The following GRIK2 variants were observed in gnomAD, a reference collection of about 807,000 sequenced individuals.
GRIK2 encodes the protein glutamate ionotropic receptor kainate type subunit 2, also known as glutamate receptor ionotropic, kainate 2.
Under a neutral mutation model 100.3 loss-of-function variants are expected in GRIK2, and 32 were observed. The ratio of observed to expected loss-of-function variants is 0.32; its 90% CI spans 0.24 to 0.43. GRIK2 has a LOEUF of 0.43. Among genes scored for constraint, GRIK2 ranks in the 20% least tolerant of loss-of-function variants. The pLI, the probability that GRIK2 is intolerant of heterozygous loss-of-function variation, is 1.00. For missense variants in GRIK2, 843 were observed against 1,114.9 expected (o/e 0.76, Z 3.47); for synonymous variants, 417 against 389.4 (o/e 1.07, Z -0.83).
chr6:101,525,395 TCTG>T (rs1355815872), intron 2 of GRIK2, among the ~76,000 whole-genome samples: 2 of 152,184 alleles, frequency 1.3e-5, no homozygotes, highest in African/African-American at 2.4e-5. Context: ...GTTTCAGTAT[TCTG>T]ATGATTATGG....
chr6:101,779,633 G>A lies in GRIK2; in HGVS notation c.952-20015G>A, dbSNP rs187545369. 7.0e-4 allele frequency among the ~76,000 whole-genome samples: 107 copies of A among 152,282 alleles called. 1 individual carries two copies. Among genetic ancestry groups the A allele is most frequent in the Admixed American group, 2.0e-3 (30 of 15,302 alleles). ...TTCCAGTTGACAGGCGTCTGAACTA[G>A]CAGTGAAGCAGGTAGGGCTGCATTT... On this transcript the variant is annotated intron_variant, in intron 7 of 16. Coordinates refer to ENST00000369134, the MANE Select transcript of GRIK2 (RefSeq NM_021956.5).
chr6:102,059,221 C>T (rs561945223), intron 16 of GRIK2, among the ~76,000 whole-genome samples: 118 of 151,178 alleles, frequency 7.8e-4, no homozygotes, highest in Non-Finnish European at 1.4e-3. Flanking sequence ...TTTCAGATAA[C>T]CACAAGATGG....
At chr6:101,500,010 A>G (rs1333885593) in intron 2 of GRIK2, among the ~76,000 whole-genome samples, 1 of 152,186 alleles carries the variant, frequency 6.6e-6, no homozygotes, top group African/African-American at 2.4e-5. Flanking sequence ...TAACATTTAT[A>G]TAATGTGTAC....
intron 2 of GRIK2, among the ~76,000 whole-genome samples, chr6:101,413,397 C>T (rs1199913502): frequency 6.6e-6 from 1 of 152,074 alleles, no homozygotes; most frequent in African/African-American, 2.4e-5. Context: ...TTAACTCTTT[C>T]AATTTCATTT....
At chr6:101,544,991 C>T (rs1033893386) in intron 2 of GRIK2, among the ~76,000 whole-genome samples, 6 of 152,090 alleles carry the variant, frequency 3.9e-5, no homozygotes, top group Non-Finnish European at 5.9e-5. Flanking sequence ...TAGGATGGAT[C>T]GCCACATATA....
chr6:101,509,323 G>A (rs1165908272), intron 2 of GRIK2, among the ~76,000 whole-genome samples: 1 of 152,068 alleles, frequency 6.6e-6, no homozygotes, highest in Non-Finnish European at 1.5e-5. Context: ...TAAAGATAAG[G>A]CCTTCAGTGT....
chr6:101,710,147 G>A (rs1773597811), intron 7 of GRIK2, among the ~76,000 whole-genome samples: 1 of 151,878 alleles, frequency 6.6e-6, no homozygotes, highest in Non-Finnish European at 1.5e-5. Context: ...AGTACAAGAA[G>A]AGCCCTCTGA....
At chr6:101,910,171 A>C (rs542775169) in intron 12 of GRIK2, among the ~76,000 whole-genome samples, 1 of 151,334 alleles carries the variant, frequency 6.6e-6, no homozygotes, top group East Asian at 1.9e-4. Context: ...TAAATTAAAA[A>C]TAGAATGTCT....
rs531623433 is a variant in GRIK2 at position 101,789,184 on chromosome 6, T to C, written c.952-10464T>C. Among the ~76,000 whole-genome samples the C allele has an allele frequency of 4.6e-5, 7 of 152,326 alleles. No homozygotes were observed. The East Asian group carries it at 1.4e-3, about 29-fold the overall frequency. ...CTGTTCACTCTGATAGTAGTTTCTT[T>C]TGCTGTGCAGAAGCTGTTTAGTTTA... On this transcript the variant is annotated intron_variant, in intron 7 of 16. Transcript: ENST00000369134.
chr6:101,394,605 CA>C (rs1774931467), intron 1 of GRIK2, among the ~76,000 whole-genome samples: 1 of 152,170 alleles, frequency 6.6e-6, no homozygotes, highest in Non-Finnish European at 1.5e-5. Context: ...AGTATTCTGT[CA>C]TCAGAAATTA....
intron 7 of GRIK2, among the ~76,000 whole-genome samples, chr6:101,775,533 GTATATATA>G (rs1293244802): frequency 7.8e-3 from 20 of 2,576 alleles, no homozygotes; most frequent in Admixed American, 0.067. Context: ...GTATATATAT[GTATATATA>G]TGTGTGTGAG....
intron 16 of GRIK2, chr6:102,064,168 G>GCTGTC: frequency 1.8e-6 from 1 of 570,410 alleles, no homozygotes; most frequent in South Asian, 2.3e-5. Flanking sequence ...CAGTGCGTGG[G>GCTGTC]TTTCCACCCC....
At chr6:101,566,349 ATACT>A (rs1172368007) in intron 2 of GRIK2, among the ~76,000 whole-genome samples, 2 of 152,080 alleles carry the variant, frequency 1.3e-5, no homozygotes, top group Non-Finnish European at 2.9e-5. Context: ...ATTGAAGAAA[ATACT>A]TTCTGAGGGA....
chr6:101,395,909 A>G (rs1434651590), intron 1 of GRIK2, among the ~76,000 whole-genome samples: 3 of 152,186 alleles, frequency 2.0e-5, no homozygotes, highest in Non-Finnish European at 4.4e-5. Context: ...AAAGAGTGCC[A>G]TATGGTTAAA....
intron 14 of GRIK2, among the ~76,000 whole-genome samples, chr6:101,950,460 T>C (rs1054706012): frequency 3.9e-5 from 6 of 152,156 alleles, no homozygotes; most frequent in African/African-American, 1.2e-4. Context: ...AATTGTTGTT[T>C]TGTGTTTTAA....
At chr6:101,795,155 C>T (rs972102043) in intron 7 of GRIK2, among the ~76,000 whole-genome samples, 2 of 152,128 alleles carry the variant, frequency 1.3e-5, no homozygotes, top group Non-Finnish European at 2.9e-5. Context: ...ATGTGAGCCA[C>T]CATACCCGGC....
At chr6:101,630,936 T>A (rs1421764260) in intron 4 of GRIK2, among the ~76,000 whole-genome samples, 1 of 152,106 alleles carries the variant, frequency 6.6e-6, no homozygotes, top group Admixed American at 6.6e-5. Flanking sequence ...TTTTTTGTTG[T>A]GTTGTCCAGT....
chr6:101,551,234 G>A (rs543177568), intron 2 of GRIK2, among the ~76,000 whole-genome samples: 100 of 152,196 alleles, frequency 6.6e-4, no homozygotes, highest in Non-Finnish European at 1.2e-3. Flanking sequence ...GACTGTTTAA[G>A]GTATAGTTCT....
chr6:101,766,283 GT>G (rs1277493358), intron 7 of GRIK2, among the ~76,000 whole-genome samples: 1 of 151,812 alleles, frequency 6.6e-6, no homozygotes, highest in East Asian at 1.9e-4. Context: ...CTAGAATTTT[GT>G]TTAAAGTGAA....
Sources: gnomAD v4.1 joint callset for allele counts (sites outside exome capture counted in the v4.1 genomes callset) on GRCh38, gnomAD v4.1.1 for gene constraint, MANE v1.5 for transcripts, NCBI Gene and HGNC (gene_info 2026-07-23, HGNC 2026-07-21) for gene names.